Variants in WWOX observed in about 807,000 individuals in gnomAD.
WWOX encodes WW domain containing oxidoreductase.
WWOX carries 69 observed loss-of-function variants against 46.2 expected under a neutral mutation model. The ratio of observed to expected loss-of-function variants is 1.49; its 90% confidence interval spans 1.23 to 1.82. The LOEUF is 1.82. Among genes scored for constraint, WWOX ranks in the 40% most tolerant of loss-of-function variants. The pLI, the probability that WWOX is intolerant of heterozygous loss-of-function variation, is 0.00. For synonymous variants in WWOX, 359 were observed against 202.6 expected (o/e 1.77, Z -6.56); for missense variants, 919 against 542.6 (o/e 1.69, Z -6.89).
At chr16:78,760,940 A>G (rs963090362) in intron 8 of WWOX, among the ~76,000 whole-genome samples, 1 of 152,204 alleles carries the variant, frequency 6.6e-6, no homozygotes, top group Non-Finnish European at 1.5e-5. Context: ...GAGCTTGTGC[A>G]GGGAAACTCC....
At chr16:78,748,008 C>G (rs571888100) in intron 8 of WWOX, among the ~76,000 whole-genome samples, 6 of 152,196 alleles carry the variant, frequency 3.9e-5, no homozygotes, top group Non-Finnish European at 7.3e-5. Context: ...CCAAGTCCAT[C>G]TGCGCCGAAG....
intron 8 of WWOX, among the ~76,000 whole-genome samples, chr16:78,536,605 A>G (rs761397290): frequency 6.6e-5 from 10 of 152,218 alleles, no homozygotes; most frequent in Non-Finnish European, 1.3e-4. Context: ...AGCCTCCCCC[A>G]TTAAGTGTCA....
intron 8 of WWOX, among the ~76,000 whole-genome samples, chr16:78,914,659 C>T (rs1286844120): frequency 6.6e-6 from 1 of 151,740 alleles, no homozygotes; most frequent in African/African-American, 2.4e-5. Context: ...GCGGGCAGAT[C>T]ACGAGGTCAG....
intron 8 of WWOX, among the ~76,000 whole-genome samples, chr16:79,130,110 A>C (rs1338666240): frequency 6.6e-6 from 1 of 152,232 alleles, no homozygotes; most frequent in Non-Finnish European, 1.5e-5. Context: ...TGTGTGTTAC[A>C]GATGAGATGT....
intron 8 of WWOX, among the ~76,000 whole-genome samples, chr16:78,605,586 C>T (rs1255033892): frequency 2.0e-5 from 3 of 152,114 alleles, no homozygotes; most frequent in African/African-American, 4.8e-5. Context: ...CAATGCCTGC[C>T]CTTTCTAGAG....
intron 8 of WWOX, among the ~76,000 whole-genome samples, chr16:78,649,617 C>G (rs1161496736): frequency 6.6e-6 from 1 of 152,200 alleles, no homozygotes; most frequent in Non-Finnish European, 1.5e-5. Flanking sequence ...CTTGGCCTTT[C>G]CCACCTCTTA....
intron 8 of WWOX, among the ~76,000 whole-genome samples, chr16:78,559,863 C>T (rs1280586379): frequency 6.6e-6 from 1 of 152,170 alleles, no homozygotes; most frequent in African/African-American, 2.4e-5. Context: ...CTCCTTCCCC[C>T]CTCTATCTCA....
chr16:78,314,553 T>C (rs1330542398), intron 5 of WWOX, among the ~76,000 whole-genome samples: 2 of 148,704 alleles, frequency 1.3e-5, no homozygotes, highest in Non-Finnish European at 3.0e-5. Flanking sequence ...AGTCGGAGTT[T>C]TGCTCTTGTC....
chr16:78,619,185 A>ATATTTTTT (rs2046113124), intron 8 of WWOX, among the ~76,000 whole-genome samples: 1 of 26,892 alleles, frequency 3.7e-5, no homozygotes, highest in Non-Finnish European at 6.4e-5. Flanking sequence ...ATATATATAT[A>ATATTTTTT]TATATATATA....
intron 8 of WWOX, among the ~76,000 whole-genome samples, chr16:79,176,268 A>T (rs2050798648): frequency 6.6e-6 from 1 of 152,210 alleles, no homozygotes; most frequent in Non-Finnish European, 1.5e-5. Context: ...AAAGTGACTC[A>T]GGGATCCAGG....
At chr16:78,613,518 C>G (rs976098685) in intron 8 of WWOX, among the ~76,000 whole-genome samples, 1 of 152,174 alleles carries the variant, frequency 6.6e-6, no homozygotes, top group African/African-American at 2.4e-5. Context: ...TTTATGCTTT[C>G]TCCCTCTACA....
chr16:78,316,162 C>G (rs2080352545), intron 5 of WWOX, among the ~76,000 whole-genome samples: 1 of 152,032 alleles, frequency 6.6e-6, no homozygotes, highest in Non-Finnish European at 1.5e-5. Context: ...GGAGAATCGC[C>G]TTGAACCTGG....
chr16:78,973,127 G>C (rs556961259), intron 8 of WWOX, among the ~76,000 whole-genome samples: 1 of 152,100 alleles, frequency 6.6e-6, no homozygotes, highest in African/African-American at 2.4e-5. Context: ...TTCCCTTCCC[G>C]TATAAGGTGG....
chr16:78,394,002 G>C (rs1265973043), intron 6 of WWOX, among the ~76,000 whole-genome samples: 3 of 151,914 alleles, frequency 2.0e-5, no homozygotes, highest in Non-Finnish European at 4.4e-5. Flanking sequence ...TAATATTCTT[G>C]GATTCATATT....
At position 78,605,361 on chromosome 16, in the gene WWOX, TA is replaced by T. The variant is rs79605842; in HGVS notation, c.1056+172622del. On this transcript the variant is annotated intron_variant, in intron 8 of 8. Coordinates refer to ENST00000566780, the MANE Select transcript of WWOX (RefSeq NM_016373.4). ...TTAGTGATTTGACTTCTTAAGTCCT[TA>T]AAAAAAAAAAAATCCAGGTGCAAAA... Among the ~76,000 whole-genome samples the T allele has an allele frequency of 9.6e-3, 1,388 of 145,030 alleles. 12 individuals are homozygous for T. The highest frequency in any genetic ancestry group is 0.028 in the African/African-American group (1,129 of 39,906).
intron 8 of WWOX, among the ~76,000 whole-genome samples, chr16:78,633,011 C>T (rs1597374435): frequency 1.3e-5 from 2 of 152,072 alleles, no homozygotes; most frequent in Admixed American, 1.3e-4. Context: ...GCCTGTAATC[C>T]TAGCACTTTG....
At chr16:78,381,956 T>C (rs761142915) in intron 5 of WWOX, among the ~76,000 whole-genome samples, 124 of 152,160 alleles carry the variant, frequency 8.1e-4, no homozygotes, top group Non-Finnish European at 1.5e-3. Context: ...GCCTCGACTT[T>C]CCAGGTTCAA....
At chr16:78,550,538 T>A (rs1341987071) in intron 8 of WWOX, among the ~76,000 whole-genome samples, 1 of 152,254 alleles carries the variant, frequency 6.6e-6, no homozygotes, top group African/African-American at 2.4e-5. Context: ...AATCATTTTC[T>A]TTTTTGATTT....
chr16:78,605,671 C>G (rs1405471176), intron 8 of WWOX, among the ~76,000 whole-genome samples: 2 of 152,198 alleles, frequency 1.3e-5, no homozygotes, highest in East Asian at 1.9e-4. Flanking sequence ...AACTCCGCCT[C>G]TCGTGCTTGG....
Sources: gnomAD v4.1 joint callset for allele counts (sites outside exome capture counted in the v4.1 genomes callset) on GRCh38, gnomAD v4.1.1 for gene constraint, MANE v1.5 for transcripts, NCBI Gene and HGNC (gene_info 2026-07-23, HGNC 2026-07-21) for gene names.